The following TCAIM variants were observed in gnomAD, a reference collection of about 807,000 sequenced individuals.
TCAIM encodes the protein T cell activation inhibitor, mitochondrial, also known as T-cell activation inhibitor, mitochondrial.
A neutral mutation model predicts 58.6 loss-of-function variants in TCAIM; 36 were observed. The ratio of observed to expected loss-of-function variants is 0.61; its 90% CI spans 0.47 to 0.81. The LOEUF (loss-of-function observed/expected upper bound fraction) is 0.81. Ranked by LOEUF, TCAIM falls within the 30% of genes least tolerant of loss-of-function variation. The pLI is 0.00. For missense variants in TCAIM, 466 were observed against 579.6 expected, an observed-to-expected ratio of 0.80 and a Z score of 2.01; for synonymous variants, 172 against 193.6, an observed-to-expected ratio of 0.89 and a Z score of 0.93.
rs753373674 is a variant in TCAIM, at chr3:44,396,714, T to C, written c.794-29T>C. On this transcript the variant is annotated intron_variant, in intron 7 of 10. Transcript: ENST00000342649. ...CTGAAAGAATGAAGCACCTCGACCA[T>C]GACCAAAGGTTTTGTGTTTTGTCAT... 5 of 1,608,594 alleles carry C rather than the reference T, an allele frequency of 3.1e-6. No individual in the cohort carries two copies. In the South Asian group the frequency reaches 3.3e-5, roughly 11 times the overall value.
chr3:44,367,631 G>T lies in TCAIM; in HGVS notation c.495G>T (p.Lys165Asn), dbSNP rs764251000. 18 of 1,613,986 alleles carry T rather than the reference G, an allele frequency of 1.1e-5. No individual in the cohort carries two copies. In the Admixed American group the frequency reaches 3.0e-4, roughly 27 times the overall value. ...CTGACAGGCCCATCAAATGGGACAA[G>T]TCTTATTACTCCTTTACTGGATTCA... ...RMPDRPIKWD[K>N]SYYSFTGFKD... Residue 165 changes from lysine (K) to asparagine (N), a missense_variant, in exon 5 of 11, where the codon AAG becomes AAT. Transcript: ENST00000342649.
intron 5 of TCAIM, among the ~76,000 whole-genome samples, chr3:44,371,218 C>T (rs554948708): frequency 3.3e-5 from 5 of 151,074 alleles, no homozygotes; most frequent in East Asian, 2.0e-4. Flanking sequence ...GGCCCATACC[C>T]GGTTAATTTT....
chr3:44,370,099 A>G (rs1701440742), intron 5 of TCAIM, among the ~76,000 whole-genome samples: 1 of 152,174 alleles, frequency 6.6e-6, no homozygotes, highest in Admixed American at 6.5e-5. Context: ...GATTTCCTCA[A>G]AAGTCAGCTT....
chr3:44,349,902 G>A (rs1701051138), intron 1 of TCAIM, among the ~76,000 whole-genome samples: 1 of 152,142 alleles, frequency 6.6e-6, no homozygotes. Flanking sequence ...TTGGTGAGAT[G>A]TTCCTTGGGC....
At chr3:44,367,077 G>A (rs1036620645) in intron 4 of TCAIM, among the ~76,000 whole-genome samples, 8 of 152,082 alleles carry the variant, frequency 5.3e-5, no homozygotes, top group Admixed American at 1.3e-4. Flanking sequence ...AACTATCTTT[G>A]GTGGACACCT....
intron 1 of TCAIM, among the ~76,000 whole-genome samples, chr3:44,347,507 G>A (rs1700995222): frequency 6.6e-6 from 1 of 152,174 alleles, no homozygotes; most frequent in Admixed American, 6.5e-5. Context: ...GAAAAAGCAT[G>A]TTTTGAGATC....
At chr3:44,385,883 G>A (rs1346078423) in intron 5 of TCAIM, among the ~76,000 whole-genome samples, 1 of 152,052 alleles carries the variant, frequency 6.6e-6, no homozygotes, top group Admixed American at 6.6e-5. Context: ...TGCTTTTGTT[G>A]ACTTTATTTT....
At chr3:44,353,658 T>C (rs955736480) in intron 1 of TCAIM, among the ~76,000 whole-genome samples, 1 of 152,216 alleles carries the variant, frequency 6.6e-6, no homozygotes, top group African/African-American at 2.4e-5. Context: ...TTATTTTAAT[T>C]TGCAGTTGTC....
At chr3:44,392,485 C>T (rs1701853940) in intron 5 of TCAIM, among the ~76,000 whole-genome samples, 1 of 152,174 alleles carries the variant, frequency 6.6e-6, no homozygotes, top group Non-Finnish European at 1.5e-5. Context: ...CCATCCTCTG[C>T]CTTCAAGTGG....
chr3:44,348,058 C>A (rs1245612083), intron 1 of TCAIM, among the ~76,000 whole-genome samples: 1 of 152,126 alleles, frequency 6.6e-6, no homozygotes, highest in African/African-American at 2.4e-5. Flanking sequence ...GAATATTGTC[C>A]AAGTTGGCAC....
intron 1 of TCAIM, among the ~76,000 whole-genome samples, chr3:44,343,983 C>T (rs887351278): frequency 6.7e-6 from 1 of 149,592 alleles, no homozygotes; most frequent in African/African-American, 2.5e-5. Flanking sequence ...TTGAACTTTA[C>T]ACAAATTTTA....
intron 1 of TCAIM, among the ~76,000 whole-genome samples, chr3:44,346,081 G>A (rs568127649): frequency 3.5e-4 from 54 of 152,238 alleles, no homozygotes; most frequent in Non-Finnish European, 5.3e-4. Context: ...GGACAGGCCC[G>A]AATTCTGAGA....
At chr3:44,372,332 A>C (rs1281565109) in intron 5 of TCAIM, among the ~76,000 whole-genome samples, 1 of 152,174 alleles carries the variant, frequency 6.6e-6, no homozygotes, top group African/African-American at 2.4e-5. Flanking sequence ...GTGACTGCCT[A>C]GTAGAGAGAT....
intron 8 of TCAIM, among the ~76,000 whole-genome samples, chr3:44,397,256 C>T (rs1324782731): frequency 6.6e-6 from 1 of 152,206 alleles, no homozygotes; most frequent in Non-Finnish European, 1.5e-5. Context: ...TATCCAACAA[C>T]TGGGCATATA....
chr3:44,400,236 C>A, intron 8 of TCAIM, 119 bp from the exon 9 acceptor site: 1 of 769,462 alleles, frequency 1.3e-6, no homozygotes. Context: ...CTTGAACTTT[C>A]CTTCAATGAA....
chr3:44,379,901 G>A (rs924507919), intron 5 of TCAIM, among the ~76,000 whole-genome samples: 1 of 152,100 alleles, frequency 6.6e-6, no homozygotes, highest in African/African-American at 2.4e-5. Context: ...AGGGAAGAGA[G>A]TGGGAGGAGG....
rs1206403001 is a variant in TCAIM, at chr3:44,407,683, C to T, written c.*1C>T. The T allele has an allele frequency of 6.4e-7, 1 of 1,570,040 alleles. No homozygotes were observed. The highest frequency in any genetic ancestry group is 8.6e-7 in the Non-Finnish European group (1 of 1,164,024). ...GAAGAATGGAGAAGCCATTAAGTAACACAGAAATCTGTTTTATTTTTTTAA... is the reference window on the plus strand; with the variant it reads ...GAAGAATGGAGAAGCCATTAAGTAATACAGAAATCTGTTTTATTTTTTTAA... On this transcript the variant is annotated 3_prime_UTR_variant, in exon 11 of 11. Coordinates refer to ENST00000342649, the MANE Select transcript of TCAIM (RefSeq NM_173826.4).
At chr3:44,358,147 T>A in intron 3 of TCAIM, 1 of 1,519,078 alleles carries the variant, frequency 6.6e-7, no homozygotes, top group Non-Finnish European at 8.7e-7. Flanking sequence ...TGAAGTACAG[T>A]TGAGGGTTTG....
At chr3:44,352,149 T>C (rs1701105949) in intron 1 of TCAIM, among the ~76,000 whole-genome samples, 1 of 150,978 alleles carries the variant, frequency 6.6e-6, no homozygotes, top group Admixed American at 6.6e-5. Context: ...AGAATAGGAC[T>C]TTAGCCATGT....
Sources: gnomAD v4.1 joint callset for allele counts (sites outside exome capture counted in the v4.1 genomes callset) on GRCh38, gnomAD v4.1.1 for gene constraint, MANE v1.5 for transcripts, NCBI Gene and HGNC (gene_info 2026-07-23, HGNC 2026-07-21) for gene names.